The following CFAP299 variants were observed in gnomAD, a reference collection of about 807,000 sequenced individuals.
CFAP299 encodes the protein cilia- and flagella-associated protein 299.
In CFAP299, 21 loss-of-function variants were observed where a neutral mutation model predicts 27.0. The observed-to-expected ratio is 0.78, with a 90% CI of 0.55 to 1.12. The LOEUF is 1.12. Ranked by LOEUF, CFAP299 falls within the 50% of genes most tolerant of loss-of-function variation. CFAP299 has a pLI of 0.00. For synonymous variants in CFAP299, 104 were observed against 98.1 expected (o/e 1.06, Z -0.36); for missense variants, 310 against 276.6 (o/e 1.12, Z -0.86).
chr4:80,343,751 T>TGCAGTCC (rs1722584939), intron 1 of CFAP299, among the ~76,000 whole-genome samples: 1 of 135,576 alleles, frequency 7.4e-6, no homozygotes, highest in Non-Finnish European at 1.5e-5. Context: ...ATTGCGCCAC[T>TGCAGTCC]GCAGTCCGCA....
intron 2 of CFAP299, among the ~76,000 whole-genome samples, chr4:80,501,850 G>A (rs11735660): frequency 6.6e-6 from 1 of 151,608 alleles, no homozygotes; most frequent in Non-Finnish European, 1.5e-5. Context: ...TTATTCTTCA[G>A]GATGTATTTT....
rs771283632 is a variant in CFAP299, at chr4:80,583,077, G to A, written c.243-16G>A. The A allele has an allele frequency of 6.4e-7, 1 of 1,555,478 alleles. No individual in the cohort carries two copies. The highest frequency in any genetic ancestry group is 1.7e-5 in the Admixed American group (1 of 57,696). On this transcript the variant is annotated splice_polypyrimidine_tract_variant and intron_variant, in intron 2 of 5. Coordinates refer to ENST00000358105, the MANE Select transcript of CFAP299 (RefSeq NM_152770.3). ...TGTTATCTAATATATTATAACTGAA[G>A]ATCTGCCTTTTACAGGACGCTAACA...
At chr4:80,446,000 G>A (rs954396098) in intron 2 of CFAP299, among the ~76,000 whole-genome samples, 4 of 152,160 alleles carry the variant, frequency 2.6e-5, no homozygotes, top group East Asian at 1.9e-4. Context: ...GTTTGAAATG[G>A]TGTCTCTCCC....
At chr4:80,338,723 T>C (rs541216749) in intron 1 of CFAP299, among the ~76,000 whole-genome samples, 1 of 152,362 alleles carries the variant, frequency 6.6e-6, no homozygotes, top group East Asian at 1.9e-4. Context: ...AGTAAGAATC[T>C]ATTCTAGACT....
At chr4:80,413,750 CTTTTTTT>C (rs66780627) in intron 2 of CFAP299, among the ~76,000 whole-genome samples, 6 of 108,308 alleles carry the variant, frequency 5.5e-5, no homozygotes, top group African/African-American at 1.7e-4. Flanking sequence ...TTGTGTCATT[CTTTTTTT>C]TTTTTTTTTT....
intron 3 of CFAP299, among the ~76,000 whole-genome samples, chr4:80,735,528 A>C (rs1029047761): frequency 6.6e-6 from 1 of 152,114 alleles, no homozygotes; most frequent in Non-Finnish European, 1.5e-5. Context: ...TTAAAAGTAA[A>C]AGCTCTTAAT....
chr4:80,817,636 A>G (rs891912689), intron 3 of CFAP299, among the ~76,000 whole-genome samples: 1 of 152,086 alleles, frequency 6.6e-6, no homozygotes, highest in Non-Finnish European at 1.5e-5. Context: ...ACCATCATCA[A>G]TGATTCACAT....
chr4:80,321,323 C>A, the CFAP299 span, among the ~76,000 whole-genome samples: 35 of 152,130 alleles, frequency 2.3e-4, no homozygotes, highest in African/African-American at 8.4e-4. Context: ...TTTATTAATT[C>A]ATTTTTTTTT....
In CFAP299 at chr4:80,651,024, A is replaced by T. The variant is rs532410694; in HGVS notation, c.333+67841A>T. On this transcript the variant is annotated intron_variant, in intron 3 of 5. Transcript: ENST00000358105. ...ATAACCTATGGAAATAAAAAAAATT[A>T]AAAAAATATTTTTTAAGATTTAACA... Among the ~76,000 whole-genome samples, 7 of 151,998 alleles carry T rather than the reference A, an allele frequency of 4.6e-5. No individual in the cohort carries two copies. The East Asian group carries it at 1.2e-3, about 25-fold the overall frequency.
At chr4:80,750,001 A>G (rs1412505470) in intron 3 of CFAP299, among the ~76,000 whole-genome samples, 1 of 152,202 alleles carries the variant, frequency 6.6e-6, no homozygotes, top group East Asian at 1.9e-4. Flanking sequence ...GCAATTATTA[A>G]AGTAAAGCTT....
intron 4 of CFAP299, among the ~76,000 whole-genome samples, chr4:80,892,350 C>A (rs1336484940): frequency 2.0e-5 from 3 of 152,086 alleles, no homozygotes. Flanking sequence ...TATACAAAAA[C>A]CAAATCAAAA....
intron 2 of CFAP299, among the ~76,000 whole-genome samples, chr4:80,548,362 T>G (rs1291981131): frequency 6.6e-6 from 1 of 151,986 alleles, no homozygotes; most frequent in Non-Finnish European, 1.5e-5. Flanking sequence ...ATGGAAACAA[T>G]AGGTACTAGG....
At chr4:80,648,587 A>C (rs922024639) in intron 3 of CFAP299, among the ~76,000 whole-genome samples, 1 of 152,172 alleles carries the variant, frequency 6.6e-6, no homozygotes, top group African/African-American at 2.4e-5. Flanking sequence ...AGGTGTTAAA[A>C]TCAATTACTA....
chr4:80,864,550 A>ATATG (rs1220535960), intron 3 of CFAP299, among the ~76,000 whole-genome samples: 45 of 148,282 alleles, frequency 3.0e-4, no homozygotes, highest in African/African-American at 9.3e-4. Flanking sequence ...ATATAGGTAT[A>ATATG]TATATATAAT....
rs2110231000 is a variant in CFAP299 at position 80,944,794 on chromosome 4, A to G, written c.477-16A>G. 3.8e-6 allele frequency: 6 copies of G among 1,565,900 alleles called. No individual in the cohort carries two copies. Among genetic ancestry groups the G allele is most frequent in the East Asian group, 2.3e-5 (1 of 44,146 alleles). On this transcript the variant is annotated splice_polypyrimidine_tract_variant and intron_variant, in intron 4 of 5. Coordinates refer to ENST00000358105, the MANE Select transcript of CFAP299 (RefSeq NM_152770.3). ...CATTATACATCTTAATTCCTAATAA[A>G]TGTTTATTTTTATAGCTTTTACAAC...
At chr4:80,709,572 A>G (rs933350793) in intron 3 of CFAP299, among the ~76,000 whole-genome samples, 1 of 152,184 alleles carries the variant, frequency 6.6e-6, no homozygotes, top group Admixed American at 6.5e-5. Context: ...GGACAATCTG[A>G]TTCAGCAAAG....
chr4:80,783,990 A>C (rs1485922303), intron 3 of CFAP299, among the ~76,000 whole-genome samples: 3 of 151,988 alleles, frequency 2.0e-5, no homozygotes, highest in African/African-American at 4.8e-5. Flanking sequence ...GAGATAAAGC[A>C]ATATTTTTGT....
intron 2 of CFAP299, among the ~76,000 whole-genome samples, chr4:80,463,914 G>A (rs1213598860): frequency 6.6e-6 from 1 of 152,060 alleles, no homozygotes; most frequent in African/African-American, 2.4e-5. Flanking sequence ...TTCAAGCTCT[G>A]CCAACTGGAC....
intron 3 of CFAP299, among the ~76,000 whole-genome samples, chr4:80,617,528 G>C (rs1738352426): frequency 6.6e-6 from 1 of 152,114 alleles, no homozygotes; most frequent in Non-Finnish European, 1.5e-5. Flanking sequence ...GATCATTTCA[G>C]ATGGATCAAG....
Sources: gnomAD v4.1 joint callset for allele counts (sites outside exome capture counted in the v4.1 genomes callset) on GRCh38, gnomAD v4.1.1 for gene constraint, MANE v1.5 for transcripts, NCBI Gene and HGNC (gene_info 2026-07-23, HGNC 2026-07-21) for gene names.